Variants in PCF11 observed in about 807,000 individuals in gnomAD.
The protein encoded by PCF11 is pre-mRNA cleavage complex 2 protein Pcf11.
A neutral mutation model predicts 166.1 loss-of-function variants in PCF11; 19 were observed. The observed-to-expected ratio is 0.11, with a 90% CI of 0.08 to 0.17. The LOEUF (loss-of-function observed/expected upper bound fraction) is 0.17. PCF11 is among the 10% of genes least tolerant of loss of function. PCF11 has a pLI of 1.00. For missense variants in PCF11, 1,565 were observed against 1,855.5 expected (o/e 0.84, Z 2.88); for synonymous variants, 663 against 644.1 (o/e 1.03, Z -0.44).
At chr11:83,181,657 T>C (rs1046050557) in intron 12 of PCF11, among the ~76,000 whole-genome samples, 197 bp from the exon 13 acceptor site, 10 of 151,996 alleles carry the variant, frequency 6.6e-5, no homozygotes, top group East Asian at 5.8e-4. Context: ...GTTGTAACTA[T>C]AGAGTTAATG....
exon 8 of PCF11, chr11:83,169,739 A>G: frequency 2.5e-6 from 4 of 1,613,956 alleles, no homozygotes; most frequent in Non-Finnish European, 3.4e-6. Context: ...ACTGGTCCAT[A>G]TAATGATCCA....
At chr11:83,170,896 A>G (rs1860665080) in intron 8 of PCF11, among the ~76,000 whole-genome samples, 1 of 152,232 alleles carries the variant, frequency 6.6e-6, no homozygotes, top group Non-Finnish European at 1.5e-5. Flanking sequence ...TAATGGTACG[A>G]AAAAACAGTT....
chr11:83,161,488 T>A (rs11233498), intron 2 of PCF11, 36 bp downstream of exon 2: 144,465 of 1,454,924 alleles, frequency 0.099, 11,249 homozygotes, highest in African/African-American at 0.41. Context: ...CGTTTTTTTT[T>A]AAAAAATGTG....
exon 5 of PCF11, chr11:83,165,906 A>G (rs774631026): frequency 6.2e-7 from 1 of 1,607,686 alleles, no homozygotes; most frequent in Admixed American, 1.7e-5. Flanking sequence ...ACCCTCTGAA[A>G]AACTAAATTC....
exon 8 of PCF11, chr11:83,169,266 T>A (rs1449249355): frequency 3.1e-6 from 5 of 1,611,910 alleles, no homozygotes; most frequent in Non-Finnish European, 4.2e-6. Context: ...ATCAACTTGG[T>A]GGGAACCTTA....
chr11:83,169,534 C>G, exon 8 of PCF11: 1 of 1,613,874 alleles, frequency 6.2e-7, no homozygotes, highest in Non-Finnish European at 8.5e-7. Context: ...TGAAAGGACT[C>G]CTGGTCAGCC....
rs898984773 is a variant in PCF11, at chr11:83,167,364, G to C, written c.2002-51G>C. 9.8e-6 allele frequency: 15 copies of C among 1,523,866 alleles called. No individual in the cohort carries two copies. The East Asian group carries it at 2.8e-4, about 29-fold the overall frequency. The allele number at this position is 1,523,866 out of a possible 1,614,324, so 94.4% of individuals were successfully genotyped here. On this transcript the variant is annotated intron_variant, in intron 6 of 15. Coordinates refer to ENST00000298281, the Ensembl canonical transcript of PCF11. The surrounding 1 kb of genome is among the most constrained non-coding windows in gnomAD (Gnocchi z 4.2). ...TCATTATCTATCGTCTATTTTTTTG[G>C]TATTTTTTTATATTTAAAATATTTT...
At chr11:83,164,089 A>G (rs1487314639) in intron 3 of PCF11, 118 bp from the exon 4 acceptor site, 9 of 682,488 alleles carry the variant, frequency 1.3e-5, no homozygotes, top group South Asian at 6.7e-5. Flanking sequence ...TAAATTTCTG[A>G]TAAGTTTTCT....
exon 4 of PCF11, chr11:83,164,291 C>T: frequency 1.2e-6 from 2 of 1,613,470 alleles, no homozygotes; most frequent in South Asian, 1.1e-5. Context: ...ACAAAAGAAT[C>T]TTACACAAGA....
At chr11:83,177,337 G>A in intron 10 of PCF11, 133 bp downstream of exon 10, 1 of 695,696 alleles carries the variant, frequency 1.4e-6, no homozygotes, top group Non-Finnish European at 2.1e-6. Flanking sequence ...TTTTATTTTT[G>A]ATTTTCGGTT....
chr11:83,159,164 G>C (rs1179881667), intron 1 of PCF11, among the ~76,000 whole-genome samples: 1 of 151,304 alleles, frequency 6.6e-6, no homozygotes, highest in Non-Finnish European at 1.5e-5. Flanking sequence ...ACAAGTTTTC[G>C]TTCACTTTTT....
chr11:83,159,195 A>G (rs1242967250), intron 1 of PCF11, among the ~76,000 whole-genome samples: 1 of 152,066 alleles, frequency 6.6e-6, no homozygotes, highest in East Asian at 1.9e-4. Context: ...TGTATGTAAA[A>G]CAGCTTTTTT....
At chr11:83,170,468 C>G (rs1424593236) in intron 8 of PCF11, among the ~76,000 whole-genome samples, 2 of 151,712 alleles carry the variant, frequency 1.3e-5, no homozygotes. Context: ...TTTTTTGGTC[C>G]TTTTTTCCTA....
intron 11 of PCF11, among the ~76,000 whole-genome samples, chr11:83,178,918 G>A (rs12291284): frequency 0.02 from 3,042 of 151,958 alleles, 81 homozygotes; most frequent in African/African-American, 0.068. Context: ...TCACTTTATG[G>A]ATAACAACTG....
intron 1 of PCF11, among the ~76,000 whole-genome samples, chr11:83,160,027 C>G (rs530791224): frequency 6.6e-6 from 1 of 152,270 alleles, no homozygotes; most frequent in Admixed American, 6.5e-5. Flanking sequence ...CATGTTCGTA[C>G]TTAATATAGT....
At chr11:83,173,448 C>T (rs548374035) in intron 9 of PCF11, among the ~76,000 whole-genome samples, 3 of 149,212 alleles carry the variant, frequency 2.0e-5, no homozygotes, top group African/African-American at 5.0e-5. Flanking sequence ...AGTGAGACTC[C>T]GTCTCAGAAA....
At position 83,170,019 on chromosome 11, in the gene PCF11, C is replaced by T. The variant is rs750576896; in HGVS notation, c.3660+24C>T. On this transcript the variant is annotated intron_variant, in intron 8 of 15. Transcript: ENST00000298281. ...AGGTAAGTCTGTTATTCTAAAATTGCGTTGTATGCAGATAAGTTAACCATT... is the reference window on the plus strand; with the variant it reads ...AGGTAAGTCTGTTATTCTAAAATTGTGTTGTATGCAGATAAGTTAACCATT... 171 of 1,529,604 alleles carry T rather than the reference C, an allele frequency of 1.1e-4. 1 individual carries two copies. The South Asian group carries it at 1.8e-3, about 16-fold the overall frequency. The allele number at this position is 1,529,604 out of a possible 1,614,324, so 94.8% of individuals were successfully genotyped here.
intron 1 of PCF11, 191 bp downstream of exon 1, chr11:83,157,822 G>T (rs1860053901): frequency 3.1e-5 from 19 of 604,820 alleles, no homozygotes; most frequent in Middle Eastern, 3.0e-4. Flanking sequence ...AGGGAGTGGG[G>T]AGGATAAAGG....
intron 4 of PCF11, 98 bp from the exon 5 acceptor site, chr11:83,165,502 A>G: frequency 1.2e-6 from 1 of 802,920 alleles, no homozygotes. Flanking sequence ...GAGTAAATAT[A>G]TTTATTGAAT....
Sources: allele counts gnomAD v4.1 joint callset (sites outside exome capture counted in the v4.1 genomes callset), GRCh38; gene constraint gnomAD v4.1.1; non-coding constraint Gnocchi (gnomAD v3.1); transcripts MANE v1.5; gene names NCBI Gene and HGNC (gene_info 2026-07-23, HGNC 2026-07-21).